The following PDLIM2 variants were observed in gnomAD, a reference collection of about 807,000 sequenced individuals.
PDLIM2 encodes the protein PDZ and LIM domain protein 2.
PDLIM2 carries 51 observed loss-of-function variants against 54.1 expected under a neutral mutation model. The observed-to-expected ratio is 0.94, with a 90% confidence interval of 0.75 to 1.19. PDLIM2 has a LOEUF of 1.19. Among genes scored for constraint, PDLIM2 ranks in the 50% most tolerant of loss-of-function variants. The pLI is 0.00. For synonymous variants in PDLIM2, 398 were observed against 385.6 expected, an observed-to-expected ratio of 1.03 and a Z score of -0.38; for missense variants, 912 against 874.0, an observed-to-expected ratio of 1.04 and a Z score of -0.55.
intron 9 of PDLIM2, chr8:22,593,157 A>C (rs543619799): frequency 6.5e-6 from 1 of 152,848 alleles, no homozygotes; most frequent in South Asian, 2.1e-4. Flanking sequence ...GGCGTGAGCT[A>C]CTGTGCCTGG....
chr8:22,581,474 C>G (rs148647415), exon 3 of PDLIM2: 3 of 1,605,672 alleles, frequency 1.9e-6, no homozygotes, highest in Admixed American at 1.7e-5. Flanking sequence ...TGCTGCATGC[C>G]GAGGCCCAGA....
intron 2 of PDLIM2, chr8:22,581,095 C>A: frequency 2.9e-6 from 2 of 679,964 alleles, no homozygotes; most frequent in Non-Finnish European, 2.8e-6. Flanking sequence ...TTTGCACGGG[C>A]AAGGCTCTCT....
exon 1 of PDLIM2, chr8:22,579,230 C>G: frequency 7.3e-7 from 1 of 1,376,848 alleles, no homozygotes; most frequent in Non-Finnish European, 9.4e-7. Context: ...GCCAGGTGAG[C>G]GCGCCCACCT....
intron 8 of PDLIM2, chr8:22,591,133 G>A (rs1458626383): frequency 4.1e-6 from 1 of 244,810 alleles, no homozygotes; most frequent in Non-Finnish European, 8.1e-6. Context: ...CTGCCCCGTA[G>A]CCCTGGGCTT....
At chr8:22,594,462 G>A, downstream of PDLIM2, 1 of 1,610,830 alleles carries the variant, frequency 6.2e-7, no homozygotes, top group Non-Finnish European at 8.5e-7. Context: ...CCATGGAAGG[G>A]CCTTGCCTCT....
chr8:22,579,363 C>A, exon 1 of PDLIM2: 2 of 1,477,146 alleles, frequency 1.4e-6, no homozygotes, highest in African/African-American at 1.5e-5. Context: ...GGGGCGCCCC[C>A]GCGAGCTGCG....
chr8:22,585,354 C>G, exon 6 of PDLIM2: 4 of 1,612,554 alleles, frequency 2.5e-6, no homozygotes, highest in Middle Eastern at 1.7e-4. Flanking sequence ...CGGGCCTCCC[C>G]GCTGCTGACC....
At chr8:22,580,737 G>GAA in intron 2 of PDLIM2, 40 bp downstream of exon 1, 1 of 1,602,412 alleles carries the variant, frequency 6.2e-7, no homozygotes, top group Non-Finnish European at 8.5e-7. Flanking sequence ...GGTCCTGCCA[G>GAA]AAGCGAGGTC....
At chr8:22,587,145 C>T (rs1011009538) in intron 6 of PDLIM2, among the ~76,000 whole-genome samples, 7 of 152,194 alleles carry the variant, frequency 4.6e-5, no homozygotes, top group African/African-American at 1.7e-4. Context: ...AACAGAGTGA[C>T]ACCTCTGACC....
At chr8:22,588,363 C>G (rs1011346410) in intron 6 of PDLIM2, 1 of 152,240 alleles carries the variant, frequency 6.6e-6, no homozygotes, top group Admixed American at 6.5e-5. Flanking sequence ...CATAATTCAT[C>G]CATGACTTTG....
chr8:22,579,645 C>A, intron 1 of PDLIM2: 1 of 1,181,592 alleles, frequency 8.5e-7, no homozygotes, highest in Non-Finnish European at 1.1e-6. Flanking sequence ...AGCGGACAGA[C>A]CGCTGGTGCT....
At chr8:22,589,967 G>A in intron 8 of PDLIM2, 1 of 566,680 alleles carries the variant, frequency 1.8e-6, no homozygotes, top group South Asian at 2.3e-5. Context: ...GTAGTGGGCA[G>A]TAGCCAGCTG....
At chr8:22,583,570 A>T (rs1800275078) in intron 3 of PDLIM2, among the ~76,000 whole-genome samples, 1 of 152,182 alleles carries the variant, frequency 6.6e-6, no homozygotes, top group African/African-American at 2.4e-5. Flanking sequence ...GTTCAAGACC[A>T]GCCTGGCCAA....
At chr8:22,581,073 T>C in intron 2 of PDLIM2, 1 of 670,568 alleles carries the variant, frequency 1.5e-6, no homozygotes, top group Admixed American at 2.1e-5. Context: ...GGCAGCCACC[T>C]GCAAGGTGCG....
At chr8:22,595,538 T>C (rs868181068), downstream of PDLIM2, 12 of 152,348 alleles carry the variant, frequency 7.9e-5, no homozygotes, top group African/African-American at 2.9e-4. Flanking sequence ...CTGGCATGAA[T>C]GAATAAGAGG....
intron 3 of PDLIM2, among the ~76,000 whole-genome samples, chr8:22,583,218 G>A (rs1451857598): frequency 6.6e-6 from 1 of 152,062 alleles, no homozygotes; most frequent in African/African-American, 2.4e-5. Context: ...GAGCTGGGAG[G>A]GCGTGCCCCT....
At position 22,584,908 on chromosome 8, in the gene PDLIM2, C is replaced by G. The variant is rs774104185; in HGVS notation, c.1065+18C>G. On this transcript the variant is annotated intron_variant, in intron 4 of 9. Transcript: ENST00000308354. The stretch of plus-strand genomic sequence containing the variant: ...GCTTCCAGGTAAGCTGGTGCCCTCC[C>G]CTGACAGCCTCAGCACCCTGATCAC... 1.9e-6 allele frequency: 3 copies of G among 1,613,994 alleles called. No individual in the cohort carries two copies. The highest frequency in any genetic ancestry group is 1.7e-5 in the Admixed American group (1 of 60,006).
intron 6 of PDLIM2, 172 bp from the exon 6 acceptor site, chr8:22,589,126 G>T: frequency 1.9e-6 from 1 of 536,324 alleles, no homozygotes; most frequent in Non-Finnish European, 3.3e-6. Context: ...TGGTCGGCGA[G>T]GGCTGGGAGC....
downstream of PDLIM2, chr8:22,595,361 C>T (rs1800664455): frequency 6.6e-6 from 1 of 152,240 alleles, no homozygotes; most frequent in African/African-American, 2.4e-5. Context: ...GCCCCAGGCG[C>T]TGGTCAGAAA....
Sources: gnomAD v4.1 joint callset for allele counts (sites outside exome capture counted in the v4.1 genomes callset) on GRCh38, gnomAD v4.1.1 for gene constraint, MANE v1.5 for transcripts, NCBI Gene and HGNC (gene_info 2026-07-23, HGNC 2026-07-21) for gene names.